AMPH: variants seen among roughly 807,000 people sequenced by gnomAD.
AMPH encodes the protein amphiphysin, also known as amphiphysin (Stiff-Mann syndrome with breast cancer 128kD autoantigen).
Under a neutral mutation model 99.1 loss-of-function variants are expected in AMPH, and 49 were observed. The ratio of observed to expected loss-of-function variants is 0.49; its 90% CI spans 0.39 to 0.63. AMPH has a LOEUF of 0.63. Ranked by LOEUF, AMPH falls within the 20% of genes least tolerant of loss-of-function variation. The probability of loss-of-function intolerance (pLI) is 0.00; values close to 1 mark genes in which losing one functional copy is unlikely to be tolerated. For missense variants in AMPH, 759 were observed against 863.4 expected (o/e 0.88, Z 1.52); for synonymous variants, 314 against 317.3 (o/e 0.99, Z 0.11).
At chr7:38,606,803 G>A (rs937056125) in intron 1 of AMPH, among the ~76,000 whole-genome samples, 5 of 151,818 alleles carry the variant, frequency 3.3e-5, no homozygotes, top group Admixed American at 1.3e-4. Context: ...TTGAACTCTC[G>A]GCCTCAAGCA....
At chr7:38,386,921 A>G (rs1784364935) in intron 20 of AMPH, among the ~76,000 whole-genome samples, 1 of 152,240 alleles carries the variant, frequency 6.6e-6, no homozygotes, top group Non-Finnish European at 1.5e-5. Context: ...CATTCACAGC[A>G]TAGAGTGTAA....
intron 1 of AMPH, among the ~76,000 whole-genome samples, chr7:38,574,262 G>A (rs1792151415): frequency 6.6e-6 from 1 of 152,082 alleles, no homozygotes; most frequent in Non-Finnish European, 1.5e-5. Context: ...TATTCCCATT[G>A]CACACTTACA....
rs57698346 is a variant in AMPH, at chr7:38,610,362, AGAAAAGAAAAGAAAGGAAAG to A, written c.69+20901_69+20920del. ...AGAAAAGAAAAGAAAAGAAAAGAAA[AGAAAAGAAAAGAAAGGAAAG>A]GAAAAGAAAAGAAAAGAAAAGAAAA... On this transcript the variant is annotated intron_variant, in intron 1 of 20. Coordinates refer to ENST00000356264, the MANE Select transcript of AMPH (RefSeq NM_001635.4). Among the ~76,000 whole-genome samples the A allele has an allele frequency of 3.0e-3, 154 of 50,958 alleles. 27 individuals carry two copies. Among genetic ancestry groups the A allele is most frequent in the Middle Eastern group, 8.2e-3 (1 of 122 alleles). The allele number at this position is 50,958 out of a possible 152,430, so 33.4% of individuals were successfully genotyped here. A position where few individuals can be genotyped will look rare whatever the true frequency, so the allele number is the denominator to read the frequency against.
At chr7:38,441,033 G>C (rs558565039) in intron 11 of AMPH, among the ~76,000 whole-genome samples, 68 of 152,050 alleles carry the variant, frequency 4.5e-4, no homozygotes, top group Non-Finnish European at 6.8e-4. Flanking sequence ...AAACTAACTT[G>C]AAGTATGTAG....
chr7:38,465,253 CA>C (rs1450112346), intron 9 of AMPH, among the ~76,000 whole-genome samples: 2 of 152,150 alleles, frequency 1.3e-5, no homozygotes, highest in African/African-American at 2.4e-5. Flanking sequence ...GGCAGAAAGT[CA>C]ATGCTGTTGT....
intron 1 of AMPH, among the ~76,000 whole-genome samples, chr7:38,626,406 C>G (rs1158992821): frequency 1.3e-5 from 2 of 152,184 alleles, no homozygotes; most frequent in African/African-American, 2.4e-5. Context: ...CTACAGCCAT[C>G]TGATCTTTGA....
At chr7:38,492,972 A>G (rs1562789360) in intron 4 of AMPH, among the ~76,000 whole-genome samples, 1 of 152,220 alleles carries the variant, frequency 6.6e-6, no homozygotes, top group Non-Finnish European at 1.5e-5. Flanking sequence ...ATTACTTAAT[A>G]ATTGCATCTG....
At chr7:38,444,952 G>C (rs944036468) in intron 11 of AMPH, among the ~76,000 whole-genome samples, 4 of 146,618 alleles carry the variant, frequency 2.7e-5, no homozygotes, top group Non-Finnish European at 4.5e-5. Context: ...AAAGATCAAT[G>C]GATAATCACA....
chr7:38,619,259 G>GT (rs1401106130), intron 1 of AMPH, among the ~76,000 whole-genome samples: 2 of 152,120 alleles, frequency 1.3e-5, no homozygotes, highest in Non-Finnish European at 2.9e-5. Context: ...GGCTATAACC[G>GT]TATCAGATAA....
In AMPH at chr7:38,450,709, G is replaced by T. The variant is rs148866119; in HGVS notation, c.1017+10574C>A. Among the ~76,000 whole-genome samples, 229 of 152,192 alleles carry T rather than the reference G, an allele frequency of 1.5e-3. 3 individuals carry two copies. Among genetic ancestry groups the T allele is most frequent in the African/African-American group, 5.3e-3 (221 of 41,520 alleles). On this transcript the variant is annotated intron_variant, in intron 11 of 20. Transcript: ENST00000356264. The stretch of plus-strand genomic sequence containing the variant: ...TGGTCAGCTTGGCATTTCACTTATG[G>T]AAACCCCTGAGACTGGCCATCAGAA...
chr7:38,509,970 T>G (rs11316401), intron 2 of AMPH, among the ~76,000 whole-genome samples: 88,058 of 151,438 alleles, frequency 0.58, 25,852 homozygotes, highest in Middle Eastern at 0.71. Context: ...GGCACAGAGA[T>G]GCACTGATGG....
At chr7:38,506,115 G>A (rs984766639) in intron 2 of AMPH, among the ~76,000 whole-genome samples, 6 of 152,290 alleles carry the variant, frequency 3.9e-5, no homozygotes, top group African/African-American at 1.4e-4. Flanking sequence ...CCAGAGTGAA[G>A]GGACCACAGA....
In AMPH at chr7:38,540,692, CAAAAAA is replaced by C. The variant is rs373768495; in HGVS notation, c.70-5687_70-5682del. ...AGCTATGAGAAGGTGTGACCCCAAGCAAAAAAAAAAAAAAAAAAAAAAAAAAAAGCT... is the reference window on the plus strand; with the variant it reads ...AGCTATGAGAAGGTGTGACCCCAAGCAAAAAAAAAAAAAAAAAAAAAAGCT... On this transcript the variant is annotated intron_variant, in intron 1 of 20. Coordinates refer to ENST00000356264, the MANE Select transcript of AMPH (RefSeq NM_001635.4). 3.0e-4 allele frequency among the ~76,000 whole-genome samples: 6 copies of C among 19,750 alleles called. No individual in the cohort carries two copies. In the South Asian group the frequency reaches 0.013, roughly 42 times the overall value. 13.0% of individuals were successfully genotyped at this position (19,750 alleles called of 152,430 possible).
chr7:38,630,656 T>A (rs539895000), intron 1 of AMPH, among the ~76,000 whole-genome samples: 1 of 152,298 alleles, frequency 6.6e-6, no homozygotes, highest in South Asian at 2.1e-4. Context: ...AGACCAAAAT[T>A]AAAAGTGTGT....
At chr7:38,479,675 T>C (rs952239818) in intron 5 of AMPH, among the ~76,000 whole-genome samples, 2 of 137,572 alleles carry the variant, frequency 1.5e-5, no homozygotes, top group South Asian at 5.1e-4. Context: ...ATACATGAAG[T>C]AATACATCAT....
intron 1 of AMPH, among the ~76,000 whole-genome samples, chr7:38,592,228 C>T (rs1390438894): frequency 1.3e-5 from 2 of 152,214 alleles, no homozygotes; most frequent in Non-Finnish European, 2.9e-5. Flanking sequence ...AAACCCACAA[C>T]CTTCAGCGTG....
intron 16 of AMPH, among the ~76,000 whole-genome samples, chr7:38,418,217 C>A (rs947817250): frequency 1.3e-5 from 2 of 152,140 alleles, no homozygotes; most frequent in African/African-American, 4.8e-5. Flanking sequence ...ATTTTACCTA[C>A]CCATTTTACT....
chr7:38,525,874 A>G (rs750651132), intron 2 of AMPH, among the ~76,000 whole-genome samples: 1 of 152,288 alleles, frequency 6.6e-6, no homozygotes, highest in Non-Finnish European at 1.5e-5. Flanking sequence ...GGTGTTGCCA[A>G]TTTGGAGCTA....
At position 38,384,751 on chromosome 7, in the gene AMPH, AC is replaced by A. The variant is rs1784304648; in HGVS notation, c.*66del. Reference sequence around the variant, plus strand: ...ATTAAGAGCATAATAACAAAAGTGAACTCTTCAGGTTTTCATGAAGGTTTAA... The same window carrying A: ...ATTAAGAGCATAATAACAAAAGTGAATCTTCAGGTTTTCATGAAGGTTTAA... On this transcript the variant is annotated 3_prime_UTR_variant, in exon 21 of 21. Transcript: ENST00000356264. 3 of 1,290,776 alleles carry A rather than the reference AC, an allele frequency of 2.3e-6. No homozygotes were observed. The Admixed American group carries it at 5.2e-5, about 22-fold the overall frequency. The allele number at this position is 1,290,776 out of a possible 1,614,324, so 80.0% of individuals were successfully genotyped here. A position where few individuals can be genotyped will look rare whatever the true frequency, so the allele number is the denominator to read the frequency against.
Sources: allele counts gnomAD v4.1 joint callset (sites outside exome capture counted in the v4.1 genomes callset), GRCh38; gene constraint gnomAD v4.1.1; transcripts MANE v1.5; gene names NCBI Gene and HGNC (gene_info 2026-07-23, HGNC 2026-07-21).